Variants in CECR2 observed in about 807,000 individuals in gnomAD.
The protein encoded by CECR2 is CECR2 histone acetyl-lysine reader, also known as chromatin remodeling regulator CECR2.
CECR2 carries 30 observed loss-of-function variants against 154.5 expected under a neutral mutation model. That is an observed-to-expected ratio of 0.19 (90% CI 0.15 to 0.26). CECR2 has a LOEUF of 0.26. CECR2 is among the 10% of genes least tolerant of loss of function. The pLI is 1.00. For missense variants in CECR2, 1,743 were observed against 1,829.3 expected (o/e 0.95, Z 0.86); for synonymous variants, 725 against 683.7 (o/e 1.06, Z -0.94).
chr22:17,483,491 T>A (rs1032976131), intron 2 of CECR2, among the ~76,000 whole-genome samples: 1 of 152,152 alleles, frequency 6.6e-6, no homozygotes, highest in African/African-American at 2.4e-5. Flanking sequence ...TGGTGGTGCA[T>A]GCATGTAGTC....
At chr22:17,451,862 A>G (rs994183061) in intron 1 of CECR2, among the ~76,000 whole-genome samples, 56 of 152,234 alleles carry the variant, frequency 3.7e-4, no homozygotes, top group Admixed American at 2.0e-3. Context: ...TTCAAAGAAA[A>G]AGAGTAAGAT....
intron 1 of CECR2, among the ~76,000 whole-genome samples, chr22:17,437,006 G>A (rs1376735854): frequency 2.0e-5 from 3 of 152,168 alleles, no homozygotes; most frequent in East Asian, 3.9e-4. Flanking sequence ...GTTGTGGAAG[G>A]TGAAAACTTT....
intron 1 of CECR2, among the ~76,000 whole-genome samples, chr22:17,430,245 A>G (rs1050521463): frequency 1.5e-4 from 23 of 152,172 alleles, no homozygotes; most frequent in Admixed American, 1.2e-3. Context: ...GTTCTATATG[A>G]AAAATGCACA....
intron 1 of CECR2, among the ~76,000 whole-genome samples, chr22:17,381,188 C>A (rs1264025454): frequency 2.6e-5 from 4 of 152,218 alleles, no homozygotes; most frequent in South Asian, 2.1e-4. Context: ...CACTCTTACA[C>A]TGGCATTGAT....
rs2401124 is a variant in CECR2 at position 17,506,047 on chromosome 22, C to T, written c.870+1031C>T. On this transcript the variant is annotated intron_variant, in intron 7 of 18. Transcript: ENST00000262608. ...TTTTTTGTAGAGACGAGGTCTTGCTCTGCTGCCTAGGCTTGTCCCAAACTC... is the reference window on the plus strand; with the variant it reads ...TTTTTTGTAGAGACGAGGTCTTGCTTTGCTGCCTAGGCTTGTCCCAAACTC... 5.5e-3 allele frequency among the ~76,000 whole-genome samples: 836 copies of T among 151,956 alleles called. 10 individuals carry two copies. The highest frequency in any genetic ancestry group is 0.019 in the African/African-American group (787 of 41,418).
rs574604766 is a variant in CECR2 at position 17,553,552 on chromosome 22, T to G, written c.*712T>G. 4 of 152,376 alleles carry G rather than the reference T, an allele frequency of 2.6e-5. No individual in the cohort carries two copies. Among genetic ancestry groups the G allele is most frequent in the East Asian group, 1.9e-4 (1 of 5,190 alleles). The allele number at this position is 152,376 out of a possible 1,614,324, so 9.4% of individuals were successfully genotyped here. A position where few individuals can be genotyped will look rare whatever the true frequency, so the allele number is the denominator to read the frequency against. On this transcript the variant is annotated 3_prime_UTR_variant, in exon 19 of 19. Coordinates refer to ENST00000262608, the MANE Select transcript of CECR2 (RefSeq NM_001290047.2). ...CAGCCTTCAGAATAGCTAAAGGCCT[T>G]CCTTCCTTCCAGTCAGCCTGAGAGA... is the stretch of plus-strand genomic sequence containing the variant.
rs546498639 is a variant in CECR2, at chr22:17,438,110, G to A, written c.127-39478G>A. Among the ~76,000 whole-genome samples the A allele has an allele frequency of 2.0e-5, 3 of 152,272 alleles. No individual in the cohort carries two copies. The South Asian group carries it at 6.2e-4, about 32-fold the overall frequency. ...GGGGTTTTAAAAATGCATTTCTTTAGCAAGCTGAATATTACATGCAGTAGT... is the reference window on the plus strand; with the variant it reads ...GGGGTTTTAAAAATGCATTTCTTTAACAAGCTGAATATTACATGCAGTAGT... On this transcript the variant is annotated intron_variant, in intron 1 of 18. Coordinates refer to ENST00000262608, the MANE Select transcript of CECR2 (RefSeq NM_001290047.2).
chr22:17,545,861 A>T (rs1404787023), intron 16 of CECR2, among the ~76,000 whole-genome samples: 1 of 147,400 alleles, frequency 6.8e-6, no homozygotes, highest in Non-Finnish European at 1.5e-5. Flanking sequence ...AAAAAAAAAG[A>T]TAATAGATTC....
At chr22:17,384,221 C>G (rs1402071891) in intron 1 of CECR2, among the ~76,000 whole-genome samples, 1 of 152,182 alleles carries the variant, frequency 6.6e-6, no homozygotes, top group Admixed American at 6.5e-5. Context: ...GAATCACTAT[C>G]TATGGCAGCT....
Position 17,542,751 on chromosome 22 carries a change from C to T in CECR2, c.2608C>T (p.Leu870Phe), listed in dbSNP as rs1601543131. Residue 870 changes from leucine to phenylalanine, a missense_variant, in exon 16 of 19, where the codon CTT becomes TTT. By Grantham distance (22) the Leu-to-Phe change is conservative. Around this residue, in one of 4 missense-constraint regions of CECR2, gnomAD observed 1,250 missense variants for 1,192.1 expected, o/e 1.05. Coordinates refer to ENST00000262608, the MANE Select transcript of CECR2 (RefSeq NM_001290047.2). ...TTTGTTTGGAGCACCTGCCCAGGCT[C>T]TTCGGGGGGTGCAGGGAGGGGACTC... ...SSLFGAPAQA[L>F]RGVQGGDSMM... 6.2e-7 allele frequency: 1 copy of T among 1,613,994 alleles called. No individual in the cohort carries two copies.
intron 1 of CECR2, among the ~76,000 whole-genome samples, chr22:17,391,866 A>G (rs1003658419): frequency 3.3e-5 from 5 of 152,190 alleles, no homozygotes; most frequent in Admixed American, 1.3e-4. Flanking sequence ...CAGTGGCGCA[A>G]TCTCCGCTCA....
At chr22:17,382,178 C>CCA (rs2063205310) in intron 1 of CECR2, among the ~76,000 whole-genome samples, 3 of 151,994 alleles carry the variant, frequency 2.0e-5, no homozygotes, top group South Asian at 2.1e-4. Context: ...GCGTGAGCCA[C>CCA]TGTGCCCGGC....
intron 9 of CECR2, among the ~76,000 whole-genome samples, chr22:17,529,669 C>T (rs530522589): frequency 5.1e-4 from 76 of 149,830 alleles, no homozygotes; most frequent in African/African-American, 1.7e-3. Flanking sequence ...CACCGCACTC[C>T]AGCCTGGGCG....
At chr22:17,386,252 C>T (rs1020019610) in intron 1 of CECR2, among the ~76,000 whole-genome samples, 3 of 151,996 alleles carry the variant, frequency 2.0e-5, no homozygotes, top group Non-Finnish European at 2.9e-5. Flanking sequence ...GTTACTCTGA[C>T]CGGAGAGGGA....
intron 1 of CECR2, among the ~76,000 whole-genome samples, chr22:17,427,162 C>T (rs984183499): frequency 3.2e-4 from 48 of 152,128 alleles, no homozygotes; most frequent in Non-Finnish European, 1.6e-4. Context: ...TTTCCAGCTT[C>T]ATCCATGTCC....
At chr22:17,538,758 T>C (rs1288019108) in intron 12 of CECR2, 27 bp downstream of exon 12, 1 of 1,554,776 alleles carries the variant, frequency 6.4e-7, no homozygotes, top group Non-Finnish European at 8.9e-7. Flanking sequence ...CAGTAATGCC[T>C]ACTATAGTGT....
chr22:17,456,126 AATTATT>A (rs58669468), intron 1 of CECR2, among the ~76,000 whole-genome samples: 171 of 151,654 alleles, frequency 1.1e-3, no homozygotes, highest in African/African-American at 4.0e-3. Context: ...ATGTTTAGTC[AATTATT>A]ATTATTATTA....
chr22:17,406,983 A>G (rs1333234128), intron 1 of CECR2, among the ~76,000 whole-genome samples: 2 of 152,212 alleles, frequency 1.3e-5, no homozygotes, highest in Admixed American at 1.3e-4. Context: ...TGAGTTTCAA[A>G]GGGAAGCACC....
chr22:17,369,208 C>A (rs2146428820), upstream of CECR2, among the ~76,000 whole-genome samples: 1 of 151,928 alleles, frequency 6.6e-6, no homozygotes, highest in South Asian at 2.1e-4. Context: ...GCTTCAACTC[C>A]CCAGTCCCAA....
Sources: allele counts gnomAD v4.1 joint callset (sites outside exome capture counted in the v4.1 genomes callset), GRCh38; gene constraint gnomAD v4.1.1; regional missense constraint gnomAD v4.1.1; transcripts MANE v1.5; gene names NCBI Gene and HGNC (gene_info 2026-07-23, HGNC 2026-07-21).